The following FHIT variants were observed in gnomAD, a reference collection of about 807,000 sequenced individuals.
FHIT encodes the protein fragile histidine triad diadenosine triphosphatase.
FHIT carries 19 observed loss-of-function variants against 17.9 expected under a neutral mutation model. The observed-to-expected ratio is 1.06, with a 90% confidence interval of 0.74 to 1.56. The LOEUF (loss-of-function observed/expected upper bound fraction) is 1.56. Ranked by LOEUF, FHIT falls within the 40% of genes most tolerant of loss-of-function variation. FHIT has a pLI of 0.00. For missense variants in FHIT, 248 were observed against 189.2 expected (o/e 1.31, Z -1.82); for synonymous variants, 81 against 69.7 (o/e 1.16, Z -0.81).
intron 4 of FHIT, among the ~76,000 whole-genome samples, chr3:60,793,595 G>C (rs978550403): frequency 2.6e-5 from 4 of 152,186 alleles, no homozygotes; most frequent in African/African-American, 9.7e-5. Flanking sequence ...GAGCCATAGC[G>C]CCCAGACAAA....
At chr3:60,071,291 T>C (rs1040093251) in intron 5 of FHIT, among the ~76,000 whole-genome samples, 7 of 152,232 alleles carry the variant, frequency 4.6e-5, no homozygotes, top group African/African-American at 1.7e-4. Flanking sequence ...TCTACACAGC[T>C]TATATGTTGA....
intron 5 of FHIT, among the ~76,000 whole-genome samples, chr3:60,130,876 T>C (rs779802404): frequency 4.1e-5 from 5 of 122,246 alleles, no homozygotes; most frequent in African/African-American, 6.4e-5. Flanking sequence ...TAGACACGTA[T>C]ACATGTATAT....
At chr3:60,279,427 A>T (rs955625605) in intron 5 of FHIT, among the ~76,000 whole-genome samples, 2 of 152,266 alleles carry the variant, frequency 1.3e-5, no homozygotes, top group Admixed American at 1.3e-4. Context: ...ACTTTCTAAA[A>T]ATAAATAATA....
intron 5 of FHIT, among the ~76,000 whole-genome samples, chr3:60,103,987 A>G (rs1426317909): frequency 6.6e-6 from 1 of 152,178 alleles, no homozygotes; most frequent in African/African-American, 2.4e-5. Context: ...AGTAATTCCT[A>G]TGCTCCTATC....
chr3:60,330,016 T>G (rs1709887456), intron 5 of FHIT, among the ~76,000 whole-genome samples: 1 of 152,236 alleles, frequency 6.6e-6, no homozygotes, highest in South Asian at 2.1e-4. Flanking sequence ...AAATAATAAC[T>G]TATAGCCGAT....
rs574309084 is a variant in FHIT at position 59,829,024 on chromosome 3, C to CA, written c.349-76704dup. Among the ~76,000 whole-genome samples, 491 of 151,152 alleles carry CA rather than the reference C, an allele frequency of 3.2e-3. 5 individuals carry two copies. The highest frequency in any genetic ancestry group is 9.4e-3 in the African/African-American group (388 of 41,188). ...AGCACAATGACTTTGAAGAAACAAC[C>CA]AAAAAAAAGATAAAATGTGGATGCA... On this transcript the variant is annotated intron_variant, in intron 8 of 9. Coordinates refer to ENST00000492590, the MANE Select transcript of FHIT (RefSeq NM_002012.4).
At chr3:60,667,916 G>T (rs1193875377) in intron 4 of FHIT, among the ~76,000 whole-genome samples, 2 of 151,926 alleles carry the variant, frequency 1.3e-5, no homozygotes, top group Non-Finnish European at 2.9e-5. Context: ...GCCTTGTGGG[G>T]CAGAACAGAT....
chr3:59,946,884 CT>C (rs576020679), intron 7 of FHIT, among the ~76,000 whole-genome samples: 81 of 152,232 alleles, frequency 5.3e-4, no homozygotes, highest in South Asian at 4.8e-3. Flanking sequence ...AGTGGATTAG[CT>C]TTTTGATGCG....
chr3:61,128,893 T>C (rs1224895091), intron 2 of FHIT, among the ~76,000 whole-genome samples: 4 of 152,052 alleles, frequency 2.6e-5, no homozygotes, highest in Non-Finnish European at 5.9e-5. Flanking sequence ...CTGGCATACA[T>C]AAGCCTGGAC....
chr3:60,516,326 G>A (rs764423528), intron 5 of FHIT, among the ~76,000 whole-genome samples: 13 of 152,144 alleles, frequency 8.5e-5, no homozygotes, highest in Non-Finnish European at 1.5e-4. Flanking sequence ...AATCTCTAAT[G>A]AATGGCTTGA....
intron 4 of FHIT, among the ~76,000 whole-genome samples, chr3:60,795,402 T>G (rs1353671380): frequency 2.0e-5 from 3 of 152,302 alleles, no homozygotes; most frequent in South Asian, 2.1e-4. Context: ...TTTACCTGTT[T>G]AAAAAATACA....
chr3:61,157,048 A>C (rs1048398072), intron 2 of FHIT, among the ~76,000 whole-genome samples: 2 of 152,232 alleles, frequency 1.3e-5, no homozygotes, highest in African/African-American at 2.4e-5. Flanking sequence ...ATTTTTAAAA[A>C]GATAAATAAA....
Position 60,752,746 on chromosome 3 carries a change from G to A in FHIT, c.-18+69173C>T, listed in dbSNP as rs2042494453. 2.0e-5 allele frequency among the ~76,000 whole-genome samples: 3 copies of A among 152,088 alleles called. No homozygotes were observed. The South Asian group carries it at 6.2e-4, about 32-fold the overall frequency. On this transcript the variant is annotated intron_variant, in intron 4 of 9. Coordinates refer to ENST00000492590, the MANE Select transcript of FHIT (RefSeq NM_002012.4). ...TGTTTCTCAAAACTTAACTTTTTAA[G>A]AAATCAGTCACTGGTTTATCTCCCA...
At chr3:60,235,054 G>C (rs778911420) in intron 5 of FHIT, among the ~76,000 whole-genome samples, 13 of 151,982 alleles carry the variant, frequency 8.6e-5, no homozygotes, top group Admixed American at 2.0e-4. Flanking sequence ...ACGTTACATG[G>C]AATAAGAGAG....
At chr3:59,759,068 T>G (rs1559578581) in intron 8 of FHIT, among the ~76,000 whole-genome samples, 1 of 151,926 alleles carries the variant, frequency 6.6e-6, no homozygotes, top group Non-Finnish European at 1.5e-5. Context: ...AGATGTAGCA[T>G]ATAAGTTGAG....
chr3:59,982,637 C>T (rs115027283), intron 7 of FHIT, among the ~76,000 whole-genome samples: 2,669 of 152,232 alleles, frequency 0.018, 35 homozygotes, highest in African/African-American at 0.039. Context: ...CGGTATATGC[C>T]GTACTTGCAG....
At position 60,026,082 on chromosome 3, in the gene FHIT, A is replaced by G. The variant is rs116185785; in HGVS notation, c.104-11930T>C. The stretch of plus-strand genomic sequence containing the variant: ...TGTCTCCTAATAAAATCAACTGCCA[A>G]TCACAGGGGAGGCTGGGGCATTTTA... On this transcript the variant is annotated intron_variant, in intron 5 of 9. Coordinates refer to ENST00000492590, the MANE Select transcript of FHIT (RefSeq NM_002012.4). Among the ~76,000 whole-genome samples the G allele has an allele frequency of 4.0e-3, 613 of 152,292 alleles. 3 individuals carry two copies. The highest frequency in any genetic ancestry group is 6.9e-3 in the Non-Finnish European group (470 of 68,016).
chr3:60,859,664 C>A (rs1312249909), intron 3 of FHIT, among the ~76,000 whole-genome samples: 2 of 148,946 alleles, frequency 1.3e-5, no homozygotes, highest in African/African-American at 5.0e-5. Flanking sequence ...CTGGATCCTA[C>A]CTAAGAACCT....
intron 5 of FHIT, among the ~76,000 whole-genome samples, chr3:60,020,532 A>G (rs1372370180): frequency 6.6e-6 from 1 of 152,230 alleles, no homozygotes; most frequent in African/African-American, 2.4e-5. Context: ...GCAGTATCAG[A>G]TAATACAACA....
Sources: gnomAD v4.1 joint callset for allele counts (sites outside exome capture counted in the v4.1 genomes callset) on GRCh38, gnomAD v4.1.1 for gene constraint, MANE v1.5 for transcripts, NCBI Gene and HGNC (gene_info 2026-07-23, HGNC 2026-07-21) for gene names.